TMC5: variants seen among roughly 807,000 people sequenced by gnomAD.
The protein encoded by TMC5 is transmembrane channel like 5.
Under a neutral mutation model 110.5 loss-of-function variants are expected in TMC5, and 86 were observed. That is an observed-to-expected ratio of 0.78 (90% CI 0.65 to 0.93). The LOEUF (loss-of-function observed/expected upper bound fraction) is 0.93, where lower values mean the gene tolerates loss of function less well. TMC5 is among the 40% of genes least tolerant of loss of function. TMC5 has a pLI of 0.00. For synonymous variants in TMC5, 455 were observed against 439.5 expected, an observed-to-expected ratio of 1.04 and a Z score of -0.44; for missense variants, 1,144 against 1,222.8, an observed-to-expected ratio of 0.94 and a Z score of 0.96.
intron 9 of TMC5, 103 bp from the exon 10 acceptor site, chr16:19,469,577 CG>C: frequency 7.1e-7 from 1 of 1,408,814 alleles, no homozygotes; most frequent in Non-Finnish European, 9.8e-7. Context: ...TAAGTCTTCA[CG>C]TTGCCTTTCA....
rs564067404 is a variant in TMC5 at position 19,479,383 on chromosome 16, C to T, written c.2170-48C>T. ...GAGCCAGGAACAGAGGAGAATTGAG[C>T]TGAGGCCACAGCCCCTTCCCACATC... On this transcript the variant is annotated intron_variant, in intron 13 of 21. Coordinates refer to ENST00000542583, the MANE Select transcript of TMC5 (RefSeq NM_001261841.2). The T allele has an allele frequency of 3.6e-6, 5 of 1,384,880 alleles. No homozygotes were observed. In the Middle Eastern group the frequency reaches 5.7e-4, roughly 157 times the overall value. 85.8% of individuals were successfully genotyped at this position (1,384,880 alleles called of 1,614,324 possible). A position where few individuals can be genotyped will look rare whatever the true frequency, so the allele number is the denominator to read the frequency against.
intron 1 of TMC5, among the ~76,000 whole-genome samples, chr16:19,419,402 GTTTT>G (rs55696911): frequency 0.019 from 1,212 of 65,436 alleles, 15 homozygotes; most frequent in African/African-American, 0.069. Flanking sequence ...GAATGTGTTG[GTTTT>G]TTTTTTTTTT....
At chr16:19,455,134 C>CT (rs986672136) in intron 5 of TMC5, among the ~76,000 whole-genome samples, 2 of 151,530 alleles carry the variant, frequency 1.3e-5, no homozygotes, top group Non-Finnish European at 2.9e-5. Context: ...GACCTCATCT[C>CT]TAAAAAAAAA....
chr16:19,473,345 C>CAAAAAAAAAAAAAAAA (rs35872301), intron 11 of TMC5, among the ~76,000 whole-genome samples: 3 of 20,238 alleles, frequency 1.5e-4, no homozygotes, highest in African/African-American at 3.0e-4. Flanking sequence ...GACTCCGGCT[C>CAAAAAAAAAAAAAAAA]AAAAAAAAAA....
At chr16:19,492,943 A>AT (rs61334845) in intron 19 of TMC5, among the ~76,000 whole-genome samples, 6,350 of 92,020 alleles carry the variant, frequency 0.069, 1,389 homozygotes, top group Non-Finnish European at 0.12. Flanking sequence ...TCTCTCTATA[A>AT]GATAAATACT....
intron 6 of TMC5, 47 bp downstream of exon 6, chr16:19,460,381 C>T: frequency 7.6e-7 from 1 of 1,315,226 alleles, no homozygotes; most frequent in Non-Finnish European, 1.1e-6. Context: ...ATGCGAACCT[C>T]AATCCTCTAC....
At chr16:19,477,207 C>A in intron 12 of TMC5, 1 of 369,332 alleles carries the variant, frequency 2.7e-6, no homozygotes, top group Non-Finnish European at 5.1e-6. Flanking sequence ...GAGATCGCGC[C>A]ACTGCACTCC....
Position 19,498,821 on chromosome 16 carries a change from G to A in TMC5, c.*855G>A, listed in dbSNP as rs951632018. On this transcript the variant is annotated 3_prime_UTR_variant, in exon 22 of 22. Transcript: ENST00000542583. ...TATGCCTGTAATCCCGGCACTTTGGGAGGCTGAGGCAAGCGGATCACTTAA... is the reference window on the plus strand; with the variant it reads ...TATGCCTGTAATCCCGGCACTTTGGAAGGCTGAGGCAAGCGGATCACTTAA... 6.6e-6 allele frequency: 1 copy of A among 152,180 alleles called. No individual in the cohort carries two copies. Among genetic ancestry groups the A allele is most frequent in the Non-Finnish European group, 1.5e-5 (1 of 68,052 alleles). The allele number at this position is 152,180 out of a possible 1,614,324, so 9.4% of individuals were successfully genotyped here. A position where few individuals can be genotyped will look rare whatever the true frequency, so the allele number is the denominator to read the frequency against.
chr16:19,424,288 T>C (rs1967045042), intron 1 of TMC5, among the ~76,000 whole-genome samples: 1 of 152,230 alleles, frequency 6.6e-6, no homozygotes, highest in Non-Finnish European at 1.5e-5. Flanking sequence ...TAGGTTTACC[T>C]GTAAACCTAT....
At chr16:19,414,214 C>T (rs1966865878), upstream of TMC5, among the ~76,000 whole-genome samples, 1 of 151,954 alleles carries the variant, frequency 6.6e-6, no homozygotes, top group Non-Finnish European at 1.5e-5. Context: ...GTGTCTGGGG[C>T]TCCCACATCT....
intron 5 of TMC5, among the ~76,000 whole-genome samples, chr16:19,458,638 T>G (rs1168708565): frequency 1.3e-5 from 2 of 152,148 alleles, no homozygotes; most frequent in Non-Finnish European, 2.9e-5. Context: ...TTTAGCCCCT[T>G]TACTGAAGAA....
chr16:19,490,950 T>A (rs1968885862), intron 18 of TMC5, among the ~76,000 whole-genome samples: 2 of 109,068 alleles, frequency 1.8e-5, no homozygotes, highest in East Asian at 3.3e-4. Flanking sequence ...TTCCCTTCCT[T>A]TCCCCTTCCC....
intron 19 of TMC5, among the ~76,000 whole-genome samples, chr16:19,492,753 T>TG (rs1420224757): frequency 5.3e-5 from 8 of 150,954 alleles, no homozygotes; most frequent in Non-Finnish European, 1.0e-4. Context: ...TTTTTAGAGG[T>TG]GGGGGTCTTG....
At chr16:19,437,901 C>T (rs971803636) in intron 2 of TMC5, among the ~76,000 whole-genome samples, 2 of 152,288 alleles carry the variant, frequency 1.3e-5, no homozygotes, top group East Asian at 3.9e-4. Flanking sequence ...AAGCCTTGTC[C>T]TGGTCCTGGA....
intron 16 of TMC5, 82 bp downstream of exon 16, chr16:19,487,102 T>C: frequency 6.2e-7 from 1 of 1,608,084 alleles, no homozygotes; most frequent in Non-Finnish European, 8.5e-7. Context: ...GGAAGGGGGC[T>C]CTGCAAAGGT....
Position 19,424,056 on chromosome 16 carries a change from A to G in TMC5, c.-308+5964A>G, listed in dbSNP as rs564222015. Among the ~76,000 whole-genome samples, 32 of 152,132 alleles carry G rather than the reference A, an allele frequency of 2.1e-4. No homozygotes were observed. The South Asian group carries it at 6.7e-3, about 32-fold the overall frequency. The stretch of plus-strand genomic sequence containing the variant: ...AGTGTTAGCCACCACACCTGCCACC[A>G]CAGTTTTATTGAATTCTAACATAAT... On this transcript the variant is annotated intron_variant, in intron 1 of 21. Coordinates refer to ENST00000542583, the MANE Select transcript of TMC5 (RefSeq NM_001261841.2).
intron 18 of TMC5, among the ~76,000 whole-genome samples, chr16:19,490,781 C>G (rs1451555710): frequency 7.7e-6 from 1 of 130,096 alleles, no homozygotes. Context: ...TTTTTCTTTT[C>G]TCTTCTCTTC....
intron 9 of TMC5, among the ~76,000 whole-genome samples, chr16:19,468,431 G>A (rs1021447337): frequency 3.3e-5 from 5 of 152,104 alleles, no homozygotes; most frequent in Admixed American, 6.6e-5. Context: ...GCTTGCTGCT[G>A]TAAGCACTGC....
chr16:19,415,282 G>A (rs1007114687), upstream of TMC5, among the ~76,000 whole-genome samples: 2 of 152,212 alleles, frequency 1.3e-5, no homozygotes, highest in East Asian at 3.9e-4. Context: ...TGATTTCCTT[G>A]TCCCACGCAA....
Sources: allele counts gnomAD v4.1 joint callset (sites outside exome capture counted in the v4.1 genomes callset), GRCh38; gene constraint gnomAD v4.1.1; transcripts MANE v1.5; gene names NCBI Gene and HGNC (gene_info 2026-07-23, HGNC 2026-07-21).